Variants in PDK1 observed in about 807,000 individuals in gnomAD.
PDK1 encodes pyruvate dehydrogenase kinase 1.
Under a neutral mutation model 54.2 loss-of-function variants are expected in PDK1, and 39 were observed. That is an observed-to-expected ratio of 0.72 (90% CI 0.56 to 0.94). The LOEUF is 0.94. Among genes scored for constraint, PDK1 ranks in the 40% least tolerant of loss-of-function variants. PDK1 has a pLI of 0.00. For synonymous variants in PDK1, 221 were observed against 207.1 expected (o/e 1.07, Z -0.58); for missense variants, 552 against 566.0 (o/e 0.98, Z 0.25).
At chr2:172,676,207 C>T in the PDK1 span, among the ~76,000 whole-genome samples, 1 of 152,156 alleles carries the variant, frequency 6.6e-6, no homozygotes, top group Non-Finnish European at 1.5e-5. Context: ...GCTAACACAA[C>T]ATCCATTCTG....
chr2:172,709,318 C>T, the PDK1 span, among the ~76,000 whole-genome samples: 1 of 152,234 alleles, frequency 6.6e-6, no homozygotes. Context: ...ACTCAAACAT[C>T]TTATTTTTCT....
In PDK1 at chr2:172,601,942, A is replaced by G. The variant is rs1691130784; in HGVS notation, c.*5973A>G. The G allele has an allele frequency of 6.6e-6, 1 of 152,222 alleles. No individual in the cohort carries two copies. The highest frequency in any genetic ancestry group is 2.4e-5 in the African/African-American group (1 of 41,460). The allele number at this position is 152,222 out of a possible 1,614,324, so 9.4% of individuals were successfully genotyped here. A position where few individuals can be genotyped will look rare whatever the true frequency, so the allele number is the denominator to read the frequency against. ...AATTTTGTAAGTGGAGAAGAAATGG[A>G]TATATTTCTAGGAAAACAGTAGAAG... On this transcript the variant is annotated 3_prime_UTR_variant, in exon 11 of 11. Transcript: ENST00000282077.
the PDK1 span, among the ~76,000 whole-genome samples, chr2:172,714,440 T>A: frequency 1.3e-5 from 2 of 152,092 alleles, no homozygotes; most frequent in Non-Finnish European, 2.9e-5. Flanking sequence ...ATTTGAAAGT[T>A]TTTTTAGAAT....
the PDK1 span, among the ~76,000 whole-genome samples, chr2:172,695,312 G>C: frequency 6.6e-6 from 1 of 152,178 alleles, no homozygotes; most frequent in African/African-American, 2.4e-5. Context: ...AGGGAGGGAA[G>C]AGAGCGAGAC....
At chr2:172,712,010 AT>A in the PDK1 span, among the ~76,000 whole-genome samples, 1 of 151,400 alleles carries the variant, frequency 6.6e-6, no homozygotes, top group African/African-American at 2.4e-5. Context: ...AGTTACATAT[AT>A]TTACATATAT....
the PDK1 span, among the ~76,000 whole-genome samples, chr2:172,646,735 C>CTTTTTTTTTTTTTTTTTTTTTTTTT: frequency 1.8e-4 from 13 of 72,058 alleles, 2 homozygotes; most frequent in Admixed American, 5.5e-4. Context: ...CTTGCATTTC[C>CTTTTTTTTTTTTTTTTTTTTTTTTT]TTTTTTTTTT....
the PDK1 span, among the ~76,000 whole-genome samples, chr2:172,681,350 G>A: frequency 4.0e-5 from 6 of 151,454 alleles, no homozygotes; most frequent in African/African-American, 1.5e-4. Context: ...ATTTAATTTT[G>A]AATTTTGTTT....
the PDK1 span, chr2:172,674,392 T>G: frequency 2.6e-5 from 4 of 152,754 alleles, no homozygotes; most frequent in South Asian, 8.3e-4. Context: ...GTGGATATCT[T>G]GGCAAACCAC....
chr2:172,658,105 A>G, the PDK1 span, among the ~76,000 whole-genome samples: 2 of 152,170 alleles, frequency 1.3e-5, no homozygotes, highest in African/African-American at 4.8e-5. Flanking sequence ...CAGGGAGGGC[A>G]TTAATCTATT....
At chr2:172,670,049 G>C in the PDK1 span, among the ~76,000 whole-genome samples, 14 of 151,782 alleles carry the variant, frequency 9.2e-5, no homozygotes, top group Non-Finnish European at 1.2e-4. Context: ...CCAAGGCATA[G>C]ATTTAAAAAA....
the PDK1 span, among the ~76,000 whole-genome samples, chr2:172,670,555 C>G: frequency 6.6e-6 from 1 of 152,068 alleles, no homozygotes; most frequent in African/African-American, 2.4e-5. Flanking sequence ...TGATTTTAGA[C>G]AAAGTACAAA....
the PDK1 span, among the ~76,000 whole-genome samples, chr2:172,639,640 G>A: frequency 3.9e-5 from 6 of 152,112 alleles, no homozygotes; most frequent in Non-Finnish European, 7.4e-5. Flanking sequence ...ATATGCTATG[G>A]TTTGAATATG....
chr2:172,619,000 C>T, the PDK1 span, among the ~76,000 whole-genome samples: 2 of 152,204 alleles, frequency 1.3e-5, no homozygotes, highest in Non-Finnish European at 2.9e-5. Flanking sequence ...TATAGAGCAA[C>T]TCTGGATGAA....
chr2:172,669,342 C>T, the PDK1 span, among the ~76,000 whole-genome samples: 1 of 152,258 alleles, frequency 6.6e-6, no homozygotes, highest in African/African-American at 2.4e-5. Context: ...CCACTGCGCC[C>T]GGCCACATTT....
the PDK1 span, among the ~76,000 whole-genome samples, chr2:172,700,126 G>A: frequency 6.6e-6 from 1 of 152,174 alleles, no homozygotes. Flanking sequence ...TCTTAGTACA[G>A]AACAAAATGG....
At chr2:172,583,281 GTTTTTTTTTTT>G (rs1175087926) in intron 8 of PDK1, among the ~76,000 whole-genome samples, 2 of 77,058 alleles carry the variant, frequency 2.6e-5, no homozygotes, top group African/African-American at 5.4e-5. Context: ...AAGTTTTCTG[GTTTTTTTTTTT>G]TTTTTTTTTT....
Position 172,605,559 on chromosome 2 carries a change from G to T in PDK1, c.*9590G>T. 6.6e-6 allele frequency: 1 copy of T among 152,104 alleles called. No homozygotes were observed. The highest frequency in any genetic ancestry group is 1.5e-5 in the Non-Finnish European group (1 of 68,104). The allele number at this position is 152,104 out of a possible 1,614,324, so 9.4% of individuals were successfully genotyped here. On this transcript the variant is annotated 3_prime_UTR_variant, in exon 11 of 11. Transcript: ENST00000282077. ...CCAGCTAATTTTTGTATTTTTAGTA[G>T]AGACGGGGTTTCACCGTGTTGGCCA...
the PDK1 span, among the ~76,000 whole-genome samples, chr2:172,622,255 CATATTATGTGAGATATGTTTATATCTCAT>C: frequency 0.012 from 1,539 of 124,364 alleles, 83 homozygotes; most frequent in African/African-American, 0.051. Context: ...GTTTATATCT[CATATTATGTGAGATATGTTTATATCTCAT>C]ATATTATGTG....
the PDK1 span, among the ~76,000 whole-genome samples, chr2:172,700,176 C>A: frequency 6.6e-6 from 1 of 152,232 alleles, no homozygotes; most frequent in East Asian, 1.9e-4. Context: ...GACACAGTAA[C>A]AATCCCATCT....
Sources: allele counts gnomAD v4.1 joint callset (sites outside exome capture counted in the v4.1 genomes callset), GRCh38; gene constraint gnomAD v4.1.1; transcripts MANE v1.5; gene names NCBI Gene and HGNC (gene_info 2026-07-23, HGNC 2026-07-21).